The following CEP104 variants were observed in gnomAD, a reference collection of about 807,000 sequenced individuals.
CEP104 encodes centrosomal protein 104.
CEP104 carries 84 observed loss-of-function variants against 113.3 expected under a neutral mutation model. The ratio of observed to expected loss-of-function variants is 0.74; its 90% CI spans 0.62 to 0.89. The LOEUF (loss-of-function observed/expected upper bound fraction) is 0.89. Ranked by LOEUF, CEP104 falls within the 40% of genes least tolerant of loss-of-function variation. The pLI, the probability that CEP104 is intolerant of heterozygous loss-of-function variation, is 0.00. For synonymous variants in CEP104, 378 were observed against 421.7 expected (o/e 0.90, Z 1.27); for missense variants, 1,053 against 1,156.6 (o/e 0.91, Z 1.30).
intron 18 of CEP104, 131 bp downstream of exon 18, chr1:3,825,627 G>A: frequency 1.5e-6 from 1 of 650,306 alleles, no homozygotes; most frequent in Non-Finnish European, 2.8e-6. Context: ...GTGTGTGCTT[G>A]GCTTCAGTTA....
Position 3,813,526 on chromosome 1 carries a change from G to A in CEP104, c.*1876C>T, listed in dbSNP as rs1186461252. ...TCCCAAAGTGCTGGGATTACAGCGT[G>A]AGCCACCGCGCCTGGCCTCCTCTCT... On this transcript the variant is annotated 3_prime_UTR_variant, in exon 22 of 22. Transcript: ENST00000378230. 1 of 149,332 alleles carries A rather than the reference G, an allele frequency of 6.7e-6. No homozygotes were observed. Among genetic ancestry groups the A allele is most frequent in the Non-Finnish European group, 1.5e-5 (1 of 67,330 alleles). The allele number at this position is 149,332 out of a possible 1,614,324, so 9.3% of individuals were successfully genotyped here.
In CEP104 at chr1:3,829,252, T is replaced by C. The variant is rs760924936; in HGVS notation, c.2151+14A>G. Reference sequence around the variant, plus strand: ...GCTAAAAGCACACAGGTGAAAGACGTGTTAACTTCCAACCTGAACTTCAGC... The same window carrying C: ...GCTAAAAGCACACAGGTGAAAGACGCGTTAACTTCCAACCTGAACTTCAGC... On this transcript the variant is annotated intron_variant, in intron 15 of 21. Coordinates refer to ENST00000378230, the MANE Select transcript of CEP104 (RefSeq NM_014704.4). 3.9e-6 allele frequency: 6 copies of C among 1,541,244 alleles called. No individual in the cohort carries two copies. In the African/African-American group the frequency reaches 8.4e-5, roughly 21 times the overall value.
intron 8 of CEP104, among the ~76,000 whole-genome samples, chr1:3,837,976 C>A (rs771541679): frequency 2.0e-5 from 3 of 152,238 alleles, no homozygotes; most frequent in Non-Finnish European, 4.4e-5. Flanking sequence ...CCAGTTGCTG[C>A]ACACTAGGCA....
At chr1:3,851,702 G>A (rs906740126) in intron 2 of CEP104, among the ~76,000 whole-genome samples, 1 of 152,188 alleles carries the variant, frequency 6.6e-6, no homozygotes, top group African/African-American at 2.4e-5. Flanking sequence ...ACTCAGGCTG[G>A]AGTGCATGGC....
At chr1:3,839,321 A>G (rs1644372114) in intron 7 of CEP104, among the ~76,000 whole-genome samples, 1 of 152,104 alleles carries the variant, frequency 6.6e-6, no homozygotes, top group African/African-American at 2.4e-5. Context: ...TTTGGTTATG[A>G]CTTTCAGGAT....
Position 3,823,103 on chromosome 1 carries a change from CACT to C in CEP104, c.2571+68_2571+70del. The C allele has an allele frequency of 3.6e-6, 5 of 1,399,528 alleles. No homozygotes were observed. Among genetic ancestry groups the C allele is most frequent in the Non-Finnish European group, 5.1e-6 (5 of 987,896 alleles). The allele number at this position is 1,399,528 out of a possible 1,614,324, so 86.7% of individuals were successfully genotyped here. A position where few individuals can be genotyped will look rare whatever the true frequency, so the allele number is the denominator to read the frequency against. On this transcript the variant is annotated intron_variant, in intron 20 of 21. Coordinates refer to ENST00000378230, the MANE Select transcript of CEP104 (RefSeq NM_014704.4). The surrounding 1 kb of genome is among the most constrained non-coding windows in gnomAD (Gnocchi z 4.1). ...GGCTATGGTCCCGCACTGACACCAC[CACT>C]GTCACCACCACTGCCATCCACAGGT...
At chr1:3,839,901 C>T (rs1644383694) in intron 6 of CEP104, 125 bp from the exon 7 acceptor site, 2 of 755,822 alleles carry the variant, frequency 2.6e-6, no homozygotes, top group East Asian at 2.7e-5. Context: ...GCATTTCCTG[C>T]ATGAGAAAAC....
rs1244104354 is a variant in CEP104 at position 3,826,375 on chromosome 1, T to C, written c.2250A>G (p.Leu750=). 18 of 1,613,830 alleles carry C rather than the reference T, an allele frequency of 1.1e-5. No homozygotes were observed. Among genetic ancestry groups the C allele is most frequent in the African/African-American group, 2.7e-5 (2 of 74,926 alleles). The change falls in exon 17 of 22, where the codon CTA becomes CTG. Residue 750 remains leucine, a synonymous_variant. Coordinates refer to ENST00000378230, the MANE Select transcript of CEP104 (RefSeq NM_014704.4). ...TGGAAGACAGCGCGACTTACTTATC[T>C]AGATAGTGCTCATCCGGGATTCCCA... is the stretch of plus-strand genomic sequence containing the variant. ...EALGIPDEHY[L]DNLCIFCGER... is the part of the protein sequence containing the mutation.
rs762853728 is a variant in CEP104 at position 3,839,590 on chromosome 1, T to C, written c.735+18A>G. 14 of 1,603,578 alleles carry C rather than the reference T, an allele frequency of 8.7e-6. No homozygotes were observed. Among genetic ancestry groups the C allele is most frequent in the Non-Finnish European group, 1.2e-5 (14 of 1,175,806 alleles). On this transcript the variant is annotated intron_variant, in intron 7 of 21. Coordinates refer to ENST00000378230, the MANE Select transcript of CEP104 (RefSeq NM_014704.4). ...ATTACAGGCATAAATTAGGAACTGT[T>C]TTCTCCAAAGGCAATACCTTTTGCA...
chr1:3,823,677 CATGAAGTAAGCCACAGGCTTCTA>C lies in CEP104; in HGVS notation c.2365-138_2365-116del. 1 of 1,248,810 alleles carries C rather than the reference CATGAAGTAAGCCACAGGCTTCTA, an allele frequency of 8.0e-7. No individual in the cohort carries two copies. Among genetic ancestry groups the C allele is most frequent in the Non-Finnish European group, 1.1e-6 (1 of 879,762 alleles). 77.4% of individuals were successfully genotyped at this position (1,248,810 alleles called of 1,614,324 possible). A position where few individuals can be genotyped will look rare whatever the true frequency, so the allele number is the denominator to read the frequency against. On this transcript the variant is annotated intron_variant, in intron 18 of 21. Coordinates refer to ENST00000378230, the MANE Select transcript of CEP104 (RefSeq NM_014704.4). The surrounding 1 kb of genome is among the most constrained non-coding windows in gnomAD (Gnocchi z 4.1). ...CCCAGGGAGGTCTGTGCCGCCTGCA[CATGAAGTAAGCCACAGGCTTCTA>C]TCTTCGGCATTTGCCCACAGACTGT... is the stretch of plus-strand genomic sequence containing the variant.
chr1:3,829,675 G>T, intron 14 of CEP104, 116 bp downstream of exon 14: 1 of 1,116,374 alleles, frequency 9.0e-7, no homozygotes. Flanking sequence ...CCAGGACGCC[G>T]GGGCTTCCCA....
rs1643811462 is a variant in CEP104 at position 3,812,456 on chromosome 1, T to G, written c.*2946A>C. On this transcript the variant is annotated 3_prime_UTR_variant, in exon 22 of 22. Transcript: ENST00000378230. ...AGGGATTTTACAGTTCCTTTTTAATTTTTTGTACTTGATTCTTGGTCCCTT... is the reference window on the plus strand; with the variant it reads ...AGGGATTTTACAGTTCCTTTTTAATGTTTTGTACTTGATTCTTGGTCCCTT... The G allele has an allele frequency of 6.6e-6, 1 of 152,242 alleles. No individual in the cohort carries two copies. Among genetic ancestry groups the G allele is most frequent in the African/African-American group, 2.4e-5 (1 of 41,458 alleles). The allele number at this position is 152,242 out of a possible 1,614,324, so 9.4% of individuals were successfully genotyped here.
At position 3,838,983 on chromosome 1, in the gene CEP104, C is replaced by A. The variant is rs1644364349; in HGVS notation, c.872G>T (p.Ser291Ile). The A allele has an allele frequency of 3.1e-6, 5 of 1,614,060 alleles. No individual in the cohort carries two copies. The highest frequency in any genetic ancestry group is 1.3e-5 in the African/African-American group (1 of 74,938). ...ACCCACCAGCTCGGCATCCAGGAGG[C>A]TGTGCAGCTCCAGCTGCTCGTACAC... ...AEVYEQLELH[S>I]LLDAELMRRP... The change falls in exon 8 of 22, where the codon AGC becomes ATC. Residue 291 changes from serine (S) to isoleucine (I), a missense_variant. Physicochemically the swap from Ser to Ile is moderately radical, Grantham distance 142. Coordinates refer to ENST00000378230, the MANE Select transcript of CEP104 (RefSeq NM_014704.4).
At chr1:3,824,164 G>A (rs1263585192) in intron 18 of CEP104, among the ~76,000 whole-genome samples, 1 of 151,756 alleles carries the variant, frequency 6.6e-6, no homozygotes, top group African/African-American at 2.4e-5. Flanking sequence ...TCGGCTCACC[G>A]CAACCTCTGC....
intron 13 of CEP104, 56 bp from the exon 14 acceptor site, chr1:3,830,053 A>C (rs1324226766): frequency 7.7e-7 from 1 of 1,303,010 alleles, no homozygotes; most frequent in African/African-American, 1.5e-5. Context: ...AATTTCTTCC[A>C]GCTTACAAAA....
chr1:3,852,195 G>C (rs1644624022), intron 2 of CEP104, 100 bp downstream of exon 2: 2 of 1,137,224 alleles, frequency 1.8e-6, no homozygotes, highest in Non-Finnish European at 2.4e-6. Context: ...ATGTCCGAGT[G>C]ATAGTAAAAT....
intron 3 of CEP104, 142 bp from the exon 4 acceptor site, chr1:3,847,755 G>C: frequency 1.3e-6 from 1 of 790,724 alleles, no homozygotes; most frequent in South Asian, 1.8e-5. Context: ...GGATCAACAG[G>C]TTTGAATAAA....
chr1:3,845,104 A>G, intron 5 of CEP104, 121 bp from the exon 6 acceptor site: 1 of 931,400 alleles, frequency 1.1e-6, no homozygotes, highest in Non-Finnish European at 1.7e-6. Context: ...CATCTTTTGG[A>G]GAGACAGCTA....
At position 3,825,074 on chromosome 1, in the gene CEP104, AAGGG is replaced by A. The variant is rs1171874658; in HGVS notation, c.2364+680_2364+683del. On this transcript the variant is annotated intron_variant, in intron 18 of 21. Coordinates refer to ENST00000378230, the MANE Select transcript of CEP104 (RefSeq NM_014704.4). ...GGGAAGGGGGCAGTGGCACTGTGGG[AAGGG>A]AGCAGTGGCACTGTGGGAAGGGGGG... 8.6e-4 allele frequency among the ~76,000 whole-genome samples: 32 copies of A among 37,078 alleles called. 4 individuals carry two copies. The highest frequency in any genetic ancestry group is 1.1e-3 in the Non-Finnish European group (23 of 21,214). The allele number at this position is 37,078 out of a possible 152,430, so 24.3% of individuals were successfully genotyped here.
Sources: allele counts gnomAD v4.1 joint callset (sites outside exome capture counted in the v4.1 genomes callset), GRCh38; gene constraint gnomAD v4.1.1; non-coding constraint Gnocchi (gnomAD v3.1); transcripts MANE v1.5; gene names NCBI Gene and HGNC (gene_info 2026-07-23, HGNC 2026-07-21).